GRXCR1: variants seen among roughly 807,000 people sequenced by gnomAD.
The protein encoded by GRXCR1 is glutaredoxin domain-containing cysteine-rich protein 1.
In GRXCR1, 27 loss-of-function variants were observed where a neutral mutation model predicts 27.3. The ratio of observed to expected loss-of-function variants is 0.99; its 90% CI spans 0.73 to 1.37. The LOEUF (loss-of-function observed/expected upper bound fraction) is 1.37, where lower values mean the gene tolerates loss of function less well. Ranked by LOEUF, GRXCR1 falls within the 40% of genes most tolerant of loss-of-function variation. GRXCR1 has a pLI of 0.00. For missense variants in GRXCR1, 379 were observed against 354.4 expected, an observed-to-expected ratio of 1.07 and a Z score of -0.56; for synonymous variants, 122 against 131.1, an observed-to-expected ratio of 0.93 and a Z score of 0.47.
chr4:42,917,426 C>A (rs1746910312), intron 1 of GRXCR1, among the ~76,000 whole-genome samples: 1 of 152,070 alleles, frequency 6.6e-6, no homozygotes, highest in South Asian at 2.1e-4. Context: ...TAATTAATCC[C>A]AAATGAAGGG....
chr4:42,975,756 C>T (rs986456459), intron 2 of GRXCR1, among the ~76,000 whole-genome samples: 40 of 152,098 alleles, frequency 2.6e-4, no homozygotes, highest in Middle Eastern at 6.3e-3. Flanking sequence ...GTTTGGCTAT[C>T]TCCTCTTCCC....
chr4:42,944,920 T>C (rs1747706880), intron 1 of GRXCR1, among the ~76,000 whole-genome samples: 1 of 152,148 alleles, frequency 6.6e-6, no homozygotes, highest in African/African-American at 2.4e-5. Context: ...TATCAGTCAG[T>C]GTCTTGGTTG....
chr4:42,931,551 G>A (rs2109756708), intron 1 of GRXCR1, among the ~76,000 whole-genome samples: 1 of 151,254 alleles, frequency 6.6e-6, no homozygotes, highest in Non-Finnish European at 1.5e-5. Context: ...TTTTGTGTCT[G>A]TGATAGCCTC....
At chr4:42,967,485 A>T (rs910616003) in intron 2 of GRXCR1, among the ~76,000 whole-genome samples, 1 of 152,032 alleles carries the variant, frequency 6.6e-6, no homozygotes, top group African/African-American at 2.4e-5. Context: ...CTCACTTAAT[A>T]TGCTCAATAT....
chr4:42,910,006 T>A (rs1413351023), intron 1 of GRXCR1, among the ~76,000 whole-genome samples: 1 of 151,338 alleles, frequency 6.6e-6, no homozygotes, highest in Non-Finnish European at 1.5e-5. Flanking sequence ...AGGAAAGAGG[T>A]TTAATTGACT....
chr4:42,945,536 T>A (rs551174366), intron 1 of GRXCR1, among the ~76,000 whole-genome samples: 1 of 152,222 alleles, frequency 6.6e-6, no homozygotes, highest in East Asian at 1.9e-4. Flanking sequence ...GCTTTGAAAA[T>A]AGAGAGAAAG....
chr4:42,932,577 C>CATATATATATATATATAT (rs3072802), intron 1 of GRXCR1, among the ~76,000 whole-genome samples: 1 of 28,680 alleles, frequency 3.5e-5, no homozygotes, highest in African/African-American at 1.4e-4. Flanking sequence ...AACTCCCTTC[C>CATATATATATATATATAT]ATATATATAT....
At chr4:43,014,463 A>G (rs1712868533) in intron 2 of GRXCR1, among the ~76,000 whole-genome samples, 1 of 152,158 alleles carries the variant, frequency 6.6e-6, no homozygotes, top group Non-Finnish European at 1.5e-5. Context: ...CTTCAATGCC[A>G]GCCCTGCCAT....
chr4:42,985,206 GA>G (rs1711675884), intron 2 of GRXCR1, among the ~76,000 whole-genome samples: 1 of 152,130 alleles, frequency 6.6e-6, no homozygotes, highest in African/African-American at 2.4e-5. Flanking sequence ...GCAATCACCG[GA>G]AAGTCCTCTT....
chr4:42,930,854 C>A lies in GRXCR1; in HGVS notation c.385-32038C>A, dbSNP rs147797308. ...TTCCTTCCTTCCCATTCTTCTATTT[C>A]TTTTCTTTTGCTGTGACAATAATTA... On this transcript the variant is annotated intron_variant, in intron 1 of 3. Coordinates refer to ENST00000399770, the MANE Select transcript of GRXCR1 (RefSeq NM_001080476.3). Among the ~76,000 whole-genome samples the A allele has an allele frequency of 2.1e-4, 32 of 152,064 alleles. 1 individual carries two copies. In the East Asian group the frequency reaches 6.0e-3, roughly 29 times the overall value.
intron 3 of GRXCR1, among the ~76,000 whole-genome samples, chr4:43,024,336 A>G (rs992863629): frequency 6.6e-6 from 1 of 151,960 alleles, no homozygotes; most frequent in African/African-American, 2.4e-5. Context: ...AATGGCACAG[A>G]CTGTCTGTGC....
At chr4:42,995,368 T>C (rs1346674429) in intron 2 of GRXCR1, among the ~76,000 whole-genome samples, 1 of 152,228 alleles carries the variant, frequency 6.6e-6, no homozygotes, top group Non-Finnish European at 1.5e-5. Context: ...GTTTTAAACC[T>C]GTTTATTTGT....
intron 3 of GRXCR1, among the ~76,000 whole-genome samples, chr4:43,030,151 A>T (rs905578683): frequency 6.6e-6 from 1 of 152,222 alleles, no homozygotes; most frequent in Non-Finnish European, 1.5e-5. Flanking sequence ...TGTGGTATAG[A>T]TGGCCATTGG....
At chr4:42,894,043 A>G (rs1450066943) in intron 1 of GRXCR1, among the ~76,000 whole-genome samples, 1 of 152,128 alleles carries the variant, frequency 6.6e-6, no homozygotes, top group African/African-American at 2.4e-5. Context: ...ACTTATGTAG[A>G]TATTTACACC....
intron 1 of GRXCR1, among the ~76,000 whole-genome samples, chr4:42,897,766 A>T (rs1560640399): frequency 6.6e-6 from 1 of 152,060 alleles, no homozygotes. Flanking sequence ...AGCATGAAGT[A>T]ACAATGGCTA....
intron 1 of GRXCR1, among the ~76,000 whole-genome samples, chr4:42,940,225 A>G (rs376386062): frequency 6.6e-6 from 1 of 152,010 alleles, no homozygotes; most frequent in African/African-American, 2.4e-5. Context: ...TCTCCCTCTC[A>G]TGCTAGTACA....
At chr4:43,013,195 A>G (rs565869232) in intron 2 of GRXCR1, among the ~76,000 whole-genome samples, 9 of 152,210 alleles carry the variant, frequency 5.9e-5, no homozygotes, top group African/African-American at 9.7e-5. Context: ...TCATTCTACC[A>G]AAAAGACACA....
chr4:42,987,535 A>G (rs1303284197), intron 2 of GRXCR1, among the ~76,000 whole-genome samples: 1 of 151,870 alleles, frequency 6.6e-6, no homozygotes, highest in Non-Finnish European at 1.5e-5. Context: ...CTCCCACCTT[A>G]GCCTCCCAAA....
chr4:42,922,169 G>A (rs1747030042), intron 1 of GRXCR1, among the ~76,000 whole-genome samples: 1 of 152,072 alleles, frequency 6.6e-6, no homozygotes, highest in Admixed American at 6.6e-5. Flanking sequence ...ATAATGATTT[G>A]CACAGTCAAA....
Sources: allele counts gnomAD v4.1 joint callset (sites outside exome capture counted in the v4.1 genomes callset), GRCh38; gene constraint gnomAD v4.1.1; transcripts MANE v1.5; gene names NCBI Gene and HGNC (gene_info 2026-07-23, HGNC 2026-07-21).